The following TRAF2 variants were observed in gnomAD, a reference collection of about 807,000 sequenced individuals.
TRAF2 encodes the protein TNF receptor associated factor 2, also known as TNF receptor-associated factor 2.
In TRAF2, 6 loss-of-function variants were observed where a neutral mutation model predicts 55.6. That is an observed-to-expected ratio of 0.11 (90% CI 0.06 to 0.21). The LOEUF (loss-of-function observed/expected upper bound fraction) is 0.21. Among genes scored for constraint, TRAF2 ranks in the 10% least tolerant of loss-of-function variants. The pLI is 1.00. For missense variants in TRAF2, 561 were observed against 684.5 expected (o/e 0.82, Z 2.01); for synonymous variants, 329 against 276.3 (o/e 1.19, Z -1.89).
At chr9:136,921,886 G>T (rs1351673473) in intron 9 of TRAF2, among the ~76,000 whole-genome samples, 1 of 152,190 alleles carries the variant, frequency 6.6e-6, no homozygotes, top group East Asian at 1.9e-4. Context: ...GGCTGACCTT[G>T]TGGCGGCCCC....
rs1326106685 is a variant in TRAF2, at chr9:136,916,581, C to G, written c.644C>G (p.Pro215Arg). 2 of 1,613,966 alleles carry G rather than the reference C, an allele frequency of 1.2e-6. No individual in the cohort carries two copies. Among genetic ancestry groups the G allele is most frequent in the Admixed American group, 3.3e-5 (2 of 60,004 alleles). ...HVKTCGKCRV[P>R]CRFHAIGCLE... is the part of the protein sequence containing the mutation. ...AAGACTTGTGGCAAGTGTCGAGTCC[C>G]TTGCAGATTCCACGCCATCGGCTGC... Residue 215 changes from proline to arginine, a missense_variant, in exon 7 of 11, where the codon CCT (proline) becomes CGT (arginine). By Grantham distance (103) the Pro-to-Arg change is moderately radical. Transcript: ENST00000247668.
chr9:136,923,842 G>GC lies in TRAF2; in HGVS notation c.1139-8dup. The GC allele has an allele frequency of 6.2e-7, 1 of 1,612,438 alleles. No homozygotes were observed. Among genetic ancestry groups the GC allele is most frequent in the Non-Finnish European group, 8.5e-7 (1 of 1,179,380 alleles). On this transcript the variant is annotated splice_polypyrimidine_tract_variant and intron_variant, in intron 9 of 10. Transcript: ENST00000247668. ...TGTCAGCTCACCAGGCACCCCTCCT[G>GC]CCTCCCCAGCCTTCTACACCAGCAG...
chr9:136,906,735 G>T (rs933555682), intron 4 of TRAF2, among the ~76,000 whole-genome samples: 2 of 152,236 alleles, frequency 1.3e-5, no homozygotes, highest in African/African-American at 4.8e-5. Context: ...TGTGGCTTGG[G>T]CCAGAGGCCT....
chr9:136,906,686 G>A (rs1341901388), intron 4 of TRAF2, among the ~76,000 whole-genome samples: 1 of 152,178 alleles, frequency 6.6e-6, no homozygotes, highest in Non-Finnish European at 1.5e-5. Context: ...TTTTATTTCT[G>A]TACCTCACCA....
At chr9:136,900,169 T>TAAA (rs758259445) in intron 3 of TRAF2, among the ~76,000 whole-genome samples, 4 of 106,756 alleles carry the variant, frequency 3.7e-5, no homozygotes, top group Non-Finnish European at 7.3e-5. Flanking sequence ...ACCCCTCCTT[T>TAAA]AAAAAAAAAA....
intron 1 of TRAF2, among the ~76,000 whole-genome samples, chr9:136,894,205 TC>T (rs1849636493): frequency 6.6e-6 from 1 of 151,626 alleles, no homozygotes; most frequent in Admixed American, 6.6e-5. Flanking sequence ...CACCACAATG[TC>T]CGGCTAATTT....
chr9:136,900,717 C>T (rs1175371045), intron 4 of TRAF2, 197 bp downstream of exon 4: 6 of 638,606 alleles, frequency 9.4e-6, no homozygotes, highest in Middle Eastern at 2.5e-4. Flanking sequence ...GAGCACAGAC[C>T]TGCACCATGG....
intron 6 of TRAF2, among the ~76,000 whole-genome samples, chr9:136,914,532 G>T (rs528115689): frequency 6.6e-6 from 1 of 152,198 alleles, no homozygotes; most frequent in African/African-American, 2.4e-5. Flanking sequence ...AAATACTTCA[G>T]TGACAGCAGA....
intron 10 of TRAF2, among the ~76,000 whole-genome samples, 154 bp downstream of exon 10, chr9:136,924,154 C>G (rs763857347): frequency 6.6e-6 from 1 of 152,196 alleles, no homozygotes; most frequent in Non-Finnish European, 1.5e-5. Context: ...TGCTGTGTCA[C>G]GCGGTGGAGA....
chr9:136,918,569 C>T (rs1310643194), intron 7 of TRAF2, among the ~76,000 whole-genome samples: 3 of 151,956 alleles, frequency 2.0e-5, no homozygotes, highest in African/African-American at 7.3e-5. Flanking sequence ...GGATTACAGG[C>T]ATGACCGCGC....
At chr9:136,919,680 T>G (rs58868933) in intron 7 of TRAF2, among the ~76,000 whole-genome samples, 2 of 148,608 alleles carry the variant, frequency 1.3e-5, no homozygotes, top group Non-Finnish European at 1.5e-5. Flanking sequence ...TTCCCTCCCC[T>G]TCTTCCCTTC....
chr9:136,897,172 TGAGG>T (rs10580743), intron 1 of TRAF2, among the ~76,000 whole-genome samples: 121,210 of 151,862 alleles, frequency 0.8, 48,602 homozygotes, highest in East Asian at 0.87. Context: ...CCCGGGACGC[TGAGG>T]GAGGAAGAGC....
chr9:136,887,689 T>G lies in TRAF2; in HGVS notation c.-29+1148T>G, dbSNP rs570558017. Among the ~76,000 whole-genome samples, 295 of 152,240 alleles carry G rather than the reference T, an allele frequency of 1.9e-3. 9 individuals are homozygous for G. The South Asian group carries it at 0.058, about 30-fold the overall frequency. ...CTCTCCCTGTTAATAGCCCTAGTTT[T>G]TAATAAGAGGAACTGAATGTATTAA... On this transcript the variant is annotated intron_variant, in intron 1 of 10. Transcript: ENST00000247668.
chr9:136,917,849 C>T (rs539383937), intron 7 of TRAF2, among the ~76,000 whole-genome samples: 1 of 152,220 alleles, frequency 6.6e-6, no homozygotes, highest in African/African-American at 2.4e-5. Context: ...CCAGGCTTCC[C>T]GTGCGGGAGG....
chr9:136,896,630 G>A (rs989018837), intron 1 of TRAF2, among the ~76,000 whole-genome samples: 1 of 152,066 alleles, frequency 6.6e-6, no homozygotes, highest in African/African-American at 2.4e-5. Context: ...GGGGGGAACC[G>A]AGTGCCTGTC....
At chr9:136,910,681 T>TG (rs753280900) in intron 6 of TRAF2, among the ~76,000 whole-genome samples, 159 of 152,342 alleles carry the variant, frequency 1.0e-3, no homozygotes, top group Non-Finnish European at 1.8e-3. Flanking sequence ...AGCCCCCATC[T>TG]GGGCAGCTAC....
intron 1 of TRAF2, among the ~76,000 whole-genome samples, chr9:136,893,973 CTCCTGACCTCGTGA>C (rs989577179): frequency 6.6e-6 from 1 of 151,420 alleles, no homozygotes; most frequent in Admixed American, 6.6e-5. Context: ...TGGTCTCAAA[CTCCTGACCTCGTGA>C]TTCTCCTGCC....
intron 9 of TRAF2, 85 bp from the exon 10 acceptor site, chr9:136,923,767 C>T (rs1850455514): frequency 2.0e-6 from 3 of 1,463,496 alleles, no homozygotes; most frequent in Non-Finnish European, 1.9e-6. Context: ...TGTTTTTGTC[C>T]CTGGGGGAGG....
chr9:136,898,967 G>C, intron 2 of TRAF2, 39 bp downstream of exon 2: 1 of 1,553,892 alleles, frequency 6.4e-7, no homozygotes, highest in Non-Finnish European at 8.7e-7. Flanking sequence ...GGGCAGGCAG[G>C]CTAGGCTGGT....
Sources: gnomAD v4.1 joint callset for allele counts (sites outside exome capture counted in the v4.1 genomes callset) on GRCh38, gnomAD v4.1.1 for gene constraint, MANE v1.5 for transcripts, NCBI Gene and HGNC (gene_info 2026-07-23, HGNC 2026-07-21) for gene names.